GSE1: variants seen among roughly 807,000 people sequenced by gnomAD.
The protein encoded by GSE1 is genetic suppressor element 1.
Under a neutral mutation model 112.6 loss-of-function variants are expected in GSE1, and 32 were observed. That is an observed-to-expected ratio of 0.28 (90% CI 0.21 to 0.38). The LOEUF (loss-of-function observed/expected upper bound fraction) is 0.38, where lower values mean the gene tolerates loss of function less well. GSE1 is among the 10% of genes least tolerant of loss of function. The pLI, the probability that GSE1 is intolerant of heterozygous loss-of-function variation, is 1.00. For synonymous variants in GSE1, 1,115 were observed against 735.6 expected, an observed-to-expected ratio of 1.52 and a Z score of -8.35; for missense variants, 2,348 against 1,699.2, an observed-to-expected ratio of 1.38 and a Z score of -6.71.
intron 2 of GSE1, among the ~76,000 whole-genome samples, chr16:85,494,207 G>T (rs2051099127): frequency 6.6e-6 from 1 of 152,250 alleles, no homozygotes; most frequent in Non-Finnish European, 1.5e-5. Flanking sequence ...GGCATCAGCA[G>T]GGCCGTGCTC....
At chr16:85,441,100 T>C (rs4783204) in intron 2 of GSE1, among the ~76,000 whole-genome samples, 119,812 of 152,082 alleles carry the variant, frequency 0.79, 47,501 homozygotes, top group African/African-American at 0.88. Flanking sequence ...CTTCAGGGAA[T>C]TCCCTGGGGG....
chr16:85,191,777 T>C (rs1292273858), intron 1 of GSE1, among the ~76,000 whole-genome samples: 1 of 152,206 alleles, frequency 6.6e-6, no homozygotes, highest in Non-Finnish European at 1.5e-5. Flanking sequence ...GAAGGGCCGC[T>C]TGTGCTGATG....
intron 2 of GSE1, among the ~76,000 whole-genome samples, chr16:85,435,417 G>C (rs78146182): frequency 1.3e-5 from 2 of 152,120 alleles, no homozygotes; most frequent in Admixed American, 6.5e-5. Flanking sequence ...TCTAGAGATC[G>C]AGACCTGCAC....
chr16:85,655,264 G>C (rs1162151029), intron 5 of GSE1, among the ~76,000 whole-genome samples: 5 of 152,228 alleles, frequency 3.3e-5, no homozygotes, highest in Non-Finnish European at 7.3e-5. Flanking sequence ...GCAAGTCACT[G>C]TTAAGAGAGC....
chr16:85,431,207 C>T (rs1255322311), intron 2 of GSE1, among the ~76,000 whole-genome samples: 4 of 152,146 alleles, frequency 2.6e-5, no homozygotes, highest in African/African-American at 4.8e-5. Flanking sequence ...GTGAGGGGCG[C>T]GCAGGAGCCA....
intron 1 of GSE1, chr16:85,208,023 T>G (rs1210058356): frequency 6.7e-6 from 1 of 148,672 alleles, no homozygotes; most frequent in Non-Finnish European, 1.5e-5. Flanking sequence ...AGAGGAAGTT[T>G]GGGGGGGGTG....
rs138843598 is a variant in GSE1, at chr16:85,596,234, C to T, written c.37+39871C>T. Among the ~76,000 whole-genome samples, 700 of 152,266 alleles carry T rather than the reference C, an allele frequency of 4.6e-3. 3 individuals are homozygous for T. The highest frequency in any genetic ancestry group is 8.0e-3 in the Non-Finnish European group (542 of 68,034). On this transcript the variant is annotated intron_variant, in intron 1 of 2. Coordinates refer to the GSE1 transcript ENST00000635906. Reference sequence around the variant, plus strand: ...CTCTTCTCACATCAGCATGATGGTCCGCCTAACGTGAGGGGAGGGGGCCTG... The same window carrying T: ...CTCTTCTCACATCAGCATGATGGTCTGCCTAACGTGAGGGGAGGGGGCCTG...
intron 2 of GSE1, among the ~76,000 whole-genome samples, chr16:85,639,164 C>T (rs1392820218): frequency 6.6e-6 from 1 of 152,208 alleles, no homozygotes; most frequent in Non-Finnish European, 1.5e-5. Context: ...TTTGTTCCTC[C>T]CACATTGTCC....
intron 1 of GSE1, among the ~76,000 whole-genome samples, chr16:85,298,830 T>C (rs563410815): frequency 1.3e-5 from 2 of 152,372 alleles, no homozygotes; most frequent in African/African-American, 2.4e-5. Flanking sequence ...GGCACTCCGC[T>C]GCAGATGGGC....
chr16:85,319,312 C>T (rs868183466), intron 1 of GSE1, among the ~76,000 whole-genome samples: 10 of 152,300 alleles, frequency 6.6e-5, no homozygotes, highest in South Asian at 4.1e-4. Context: ...GACAGTGTAG[C>T]GGGAGTCCTA....
upstream of GSE1, chr16:85,554,889 C>T (rs1022181740): frequency 5.6e-5 from 55 of 985,202 alleles, no homozygotes; most frequent in African/African-American, 7.3e-4. Context: ...TTGCAAACGG[C>T]CCCCGCTTCG....
At chr16:85,574,626 C>A (rs1445164039) in intron 1 of GSE1, among the ~76,000 whole-genome samples, 1 of 152,250 alleles carries the variant, frequency 6.6e-6, no homozygotes, top group African/African-American at 2.4e-5. Flanking sequence ...TCCGCCCGGC[C>A]TCCAGAGGAC....
chr16:85,457,868 G>A (rs970668251), intron 2 of GSE1, among the ~76,000 whole-genome samples: 18 of 152,248 alleles, frequency 1.2e-4, no homozygotes, highest in Non-Finnish European at 2.5e-4. Flanking sequence ...CTGGCAGTGT[G>A]CAGGGCCCTG....
rs1184746954 is a variant in GSE1, at chr16:85,546,470, GATATTTATTTCTCAAGGACACACCC to G, written c.2465-87439_2465-87415del. 7.2e-5 allele frequency among the ~76,000 whole-genome samples: 11 copies of G among 152,224 alleles called. No individual in the cohort carries two copies. The South Asian group carries it at 2.3e-3, about 32-fold the overall frequency. ...GCATTATATTAGAAGTTGTACAGTA[GATATTTATTTCTCAAGGACACACCC>G]ATATAATGTAGGATTGGTGGGGAGC... On this transcript the variant is annotated intron_variant, in intron 2 of 2. Coordinates refer to the GSE1 transcript ENST00000637419.
intron 2 of GSE1, among the ~76,000 whole-genome samples, chr16:85,502,222 T>A (rs2051392549): frequency 6.6e-6 from 1 of 152,148 alleles, no homozygotes. Context: ...CGAGAGAGCC[T>A]TGGTGACACC....
At chr16:85,648,375 C>A (rs532877992) in intron 2 of GSE1, among the ~76,000 whole-genome samples, 177 bp from the exon 3 acceptor site, 10 of 152,090 alleles carry the variant, frequency 6.6e-5, no homozygotes, top group Non-Finnish European at 1.5e-4. Context: ...CCCGATCGGG[C>A]CTCAGGAGAG....
At chr16:85,425,128 C>T (rs1325938285) in intron 2 of GSE1, among the ~76,000 whole-genome samples, 2 of 152,262 alleles carry the variant, frequency 1.3e-5, no homozygotes, top group Non-Finnish European at 1.5e-5. Flanking sequence ...GGGGTTGTCC[C>T]AGCAGCCACT....
intron 1 of GSE1, among the ~76,000 whole-genome samples, chr16:85,233,313 C>T: frequency 6.6e-6 from 1 of 152,236 alleles, no homozygotes; most frequent in Non-Finnish European, 1.5e-5. Context: ...GTGGGGTGAA[C>T]AGCCCAGTGC....
At chr16:85,555,605 C>T (rs994587912), upstream of GSE1, 17 of 947,318 alleles carry the variant, frequency 1.8e-5, no homozygotes, top group Non-Finnish European at 2.1e-5. Context: ...CGCCCCTCCT[C>T]ACCCAGTAGC....
Sources: gnomAD v4.1 joint callset for allele counts (sites outside exome capture counted in the v4.1 genomes callset) on GRCh38, gnomAD v4.1.1 for gene constraint, MANE v1.5 for transcripts, NCBI Gene and HGNC (gene_info 2026-07-23, HGNC 2026-07-21) for gene names.